Variants in OSBPL8 observed in about 807,000 individuals in gnomAD.
OSBPL8 encodes oxysterol binding protein like 8, also known as oxysterol-binding protein-related protein 8.
OSBPL8 carries 59 observed loss-of-function variants against 125.5 expected under a neutral mutation model. That is an observed-to-expected ratio of 0.47 (90% CI 0.38 to 0.58). The LOEUF (loss-of-function observed/expected upper bound fraction) is 0.58. OSBPL8 is among the 20% of genes least tolerant of loss of function. The pLI, the probability that OSBPL8 is intolerant of heterozygous loss-of-function variation, is 0.00. For synonymous variants in OSBPL8, 330 were observed against 338.9 expected (o/e 0.97, Z 0.29); for missense variants, 758 against 1,047.8 (o/e 0.72, Z 3.82).
At chr12:76,498,046 C>A (rs915232358) in intron 1 of OSBPL8, among the ~76,000 whole-genome samples, 4 of 152,106 alleles carry the variant, frequency 2.6e-5, no homozygotes, top group African/African-American at 9.7e-5. Flanking sequence ...GTGATAAATG[C>A]CCAATAAATG....
intron 2 of OSBPL8, among the ~76,000 whole-genome samples, chr12:76,476,708 G>A (rs927148867): frequency 1.3e-5 from 2 of 152,062 alleles, no homozygotes; most frequent in Admixed American, 1.3e-4. Context: ...GATTTAAATA[G>A]TAACAGAACA....
chr12:76,465,390 C>G (rs1183722705), intron 2 of OSBPL8, among the ~76,000 whole-genome samples: 1 of 151,726 alleles, frequency 6.6e-6, no homozygotes, highest in Non-Finnish European at 1.5e-5. Flanking sequence ...GAAACTCCGT[C>G]TCTACTAAAA....
intron 2 of OSBPL8, among the ~76,000 whole-genome samples, chr12:76,484,474 C>T (rs1034792115): frequency 3.9e-5 from 6 of 152,110 alleles, no homozygotes; most frequent in African/African-American, 1.4e-4. Context: ...AAAATAGTTG[C>T]TTTTATTTAA....
chr12:76,459,905 C>G lies in OSBPL8; in HGVS notation c.43-10G>C, dbSNP rs146557602. 117 of 1,613,428 alleles carry G rather than the reference C, an allele frequency of 7.3e-5. No homozygotes were observed. The East Asian group carries it at 2.5e-3, about 35-fold the overall frequency. On this transcript the variant is annotated splice_polypyrimidine_tract_variant and intron_variant, in intron 2 of 23. Transcript: ENST00000261183. ...TGCTATCACCAAGAAGCTTTTAAGG[C>G]AGGGTAATTGAGCAGCAAACAAATA...
chr12:76,435,484 T>G (rs546360271), intron 4 of OSBPL8, among the ~76,000 whole-genome samples: 1 of 152,126 alleles, frequency 6.6e-6, no homozygotes, highest in Non-Finnish European at 1.5e-5. Context: ...AATATATGCA[T>G]AGTTAATACT....
chr12:76,375,524 G>T (rs1230353080), intron 16 of OSBPL8, among the ~76,000 whole-genome samples, 154 bp from the exon 17 acceptor site: 1 of 152,086 alleles, frequency 6.6e-6, no homozygotes, highest in South Asian at 2.1e-4. Context: ...ACATACAGTT[G>T]GTTCTGTAGG....
chr12:76,356,630 T>C lies in OSBPL8; in HGVS notation c.2533A>G (p.Lys845Glu), dbSNP rs1436808978. 1 of 1,584,864 alleles carries C rather than the reference T, an allele frequency of 6.3e-7. No individual in the cohort carries two copies. Among genetic ancestry groups the C allele is most frequent in the Non-Finnish European group, 8.7e-7 (1 of 1,155,408 alleles). The change falls in exon 23 of 24, where the codon AAA (lysine) becomes GAA (glutamate). Residue 845 changes from lysine to glutamate, a missense_variant. Transcript: ENST00000261183. Reference protein sequence around the residue: ...ESIKQTQEEIKRNIMALRNHL... With the variant: ...ESIKQTQEEIERNIMALRNHL... ...TCAGTGTCATTATATTATTACCTTT[T>C]AATTTCTTCCTGTGTTTGTTTTATA...
intron 1 of OSBPL8, among the ~76,000 whole-genome samples, chr12:76,504,403 AC>A (rs1437797293): frequency 3.9e-5 from 6 of 152,252 alleles, no homozygotes; most frequent in African/African-American, 1.4e-4. Context: ...AAGCACGGAA[AC>A]TACATTTTGC....
chr12:76,488,504 G>C (rs1555229529), intron 1 of OSBPL8, among the ~76,000 whole-genome samples: 1 of 152,170 alleles, frequency 6.6e-6, no homozygotes, highest in Non-Finnish European at 1.5e-5. Flanking sequence ...TTTTCCAACA[G>C]CATGTGCTCA....
chr12:76,472,684 G>C (rs868418334), intron 2 of OSBPL8, among the ~76,000 whole-genome samples: 3 of 152,232 alleles, frequency 2.0e-5, no homozygotes, highest in Non-Finnish European at 2.9e-5. Flanking sequence ...CAGGGAGAGA[G>C]AGAGACAGCT....
chr12:76,521,344 T>C (rs558278530), intron 1 of OSBPL8, among the ~76,000 whole-genome samples: 50 of 152,328 alleles, frequency 3.3e-4, no homozygotes, highest in African/African-American at 1.1e-3. Flanking sequence ...TTGTGTGCCC[T>C]GCAGGTGGGA....
chr12:76,388,839 T>C (rs1953434629), intron 12 of OSBPL8, among the ~76,000 whole-genome samples: 1 of 152,184 alleles, frequency 6.6e-6, no homozygotes. Context: ...TTACCAATTA[T>C]TTTTTGACTC....
At chr12:76,541,131 T>A (rs1212319185) in intron 1 of OSBPL8, among the ~76,000 whole-genome samples, 1 of 152,170 alleles carries the variant, frequency 6.6e-6, no homozygotes, top group Non-Finnish European at 1.5e-5. Context: ...TAATGGTAAA[T>A]CTACAGTAGC....
intron 1 of OSBPL8, among the ~76,000 whole-genome samples, chr12:76,544,906 C>G (rs1331124335): frequency 6.6e-6 from 1 of 151,816 alleles, no homozygotes; most frequent in African/African-American, 2.4e-5. Context: ...TATTTCAGAG[C>G]TATTACAAGG....
chr12:76,410,499 G>T, intron 5 of OSBPL8, 65 bp downstream of exon 5: 2 of 1,186,422 alleles, frequency 1.7e-6, no homozygotes, highest in Non-Finnish European at 2.5e-6. Flanking sequence ...GGATTTCAGT[G>T]TTAGTTCCCT....
chr12:76,532,872 A>G (rs889488792), intron 1 of OSBPL8, among the ~76,000 whole-genome samples: 5 of 152,206 alleles, frequency 3.3e-5, no homozygotes, highest in Admixed American at 1.3e-4. Context: ...TGCTCTCTAG[A>G]TCCCTAAAGC....
At chr12:76,373,307 A>G in intron 18 of OSBPL8, 37 bp downstream of exon 18, 1 of 1,338,048 alleles carries the variant, frequency 7.5e-7, no homozygotes, top group Non-Finnish European at 1.0e-6. Context: ...CCACAGAATA[A>G]AATTCTTTTT....
chr12:76,420,005 T>G (rs1869265055), intron 4 of OSBPL8, among the ~76,000 whole-genome samples: 1 of 152,132 alleles, frequency 6.6e-6, no homozygotes, highest in Admixed American at 6.5e-5. Context: ...AAATTAGCAT[T>G]CTGCCCTTAA....
intron 12 of OSBPL8, among the ~76,000 whole-genome samples, chr12:76,389,114 G>C (rs576945878): frequency 6.6e-6 from 1 of 152,080 alleles, no homozygotes; most frequent in Non-Finnish European, 1.5e-5. Flanking sequence ...GCCTCCTTTA[G>C]GTGTGCCTTC....
Sources: gnomAD v4.1 joint callset for allele counts (sites outside exome capture counted in the v4.1 genomes callset) on GRCh38, gnomAD v4.1.1 for gene constraint, MANE v1.5 for transcripts, NCBI Gene and HGNC (gene_info 2026-07-23, HGNC 2026-07-21) for gene names.